Variants in PKD1L1 observed in about 807,000 individuals in gnomAD.
PKD1L1 encodes the protein polycystin-1-like protein 1.
In PKD1L1, 236 loss-of-function variants were observed where a neutral mutation model predicts 323.4. The ratio of observed to expected loss-of-function variants is 0.73; its 90% CI spans 0.66 to 0.81. PKD1L1 has a LOEUF of 0.81. PKD1L1 is among the 40% of genes least tolerant of loss of function. The probability of loss-of-function intolerance (pLI) is 0.00; values close to 1 mark genes in which losing one functional copy is unlikely to be tolerated. For missense variants in PKD1L1, 3,320 were observed against 3,508.0 expected (o/e 0.95, Z 1.35); for synonymous variants, 1,344 against 1,335.0 (o/e 1.01, Z -0.15).
chr7:47,827,433 G>T lies in PKD1L1; in HGVS notation c.6771C>A (p.Arg2257=). The T allele has an allele frequency of 6.2e-7, 1 of 1,612,308 alleles. No homozygotes were observed. The change falls in exon 45 of 57, where the codon CGC becomes CGA. Residue 2257 remains arginine, a synonymous_variant. Coordinates refer to ENST00000289672, the MANE Select transcript of PKD1L1 (RefSeq NM_138295.5). ...LAARQQARHL[R]WAHPPSKAQL... is the part of the protein sequence containing the mutation. ...GGGCCTTGGATGGTGGATGCGCCCA[G>T]CGCAGGTGGCGAGCTTGTTGTCGGG...
intron 31 of PKD1L1, among the ~76,000 whole-genome samples, chr7:47,849,239 A>G (rs934263770): frequency 6.6e-6 from 1 of 152,238 alleles, no homozygotes; most frequent in Non-Finnish European, 1.5e-5. Flanking sequence ...TTGAAGCTGT[A>G]AAAATTCTAA....
Position 47,821,133 on chromosome 7 carries a change from C to G in PKD1L1, c.6908G>C (p.Gly2303Ala). The change falls in exon 46 of 57, where the codon GGG becomes GCG. Residue 2303 changes from glycine to alanine, a missense_variant. Coordinates refer to ENST00000289672, the MANE Select transcript of PKD1L1 (RefSeq NM_138295.5). ...GGAGTATTCATCTTGGGAAAATCTC[C>G]CATATATTACACACAAAAGCAGAAG... ...MLLLLLCVIY[G>A]RFSQDEYSLN... 3 of 1,610,850 alleles carry G rather than the reference C, an allele frequency of 1.9e-6. No individual in the cohort carries two copies. Among genetic ancestry groups the G allele is most frequent in the Non-Finnish European group, 1.7e-6 (2 of 1,177,078 alleles).
In PKD1L1 at chr7:47,836,906, A is replaced by G; in HGVS notation, c.5943+15T>C. The G allele has an allele frequency of 6.2e-7, 1 of 1,610,470 alleles. No individual in the cohort carries two copies. The highest frequency in any genetic ancestry group is 8.5e-7 in the Non-Finnish European group (1 of 1,177,988). On this transcript the variant is annotated intron_variant, in intron 37 of 56. Coordinates refer to ENST00000289672, the MANE Select transcript of PKD1L1 (RefSeq NM_138295.5). ...GGATCTGGAAGCTGCTATAAGGAAA[A>G]GCGATGGCTCTCACCTGCTCTTGCC...
intron 16 of PKD1L1, among the ~76,000 whole-genome samples, chr7:47,889,882 T>A (rs765625859): frequency 1.3e-5 from 2 of 152,080 alleles, no homozygotes; most frequent in Non-Finnish European, 2.9e-5. Context: ...TCCTGCTCCA[T>A]CCCGATGCTC....
In PKD1L1 at chr7:47,893,941, GA is replaced by G; in HGVS notation, c.2389del (p.Ser797HisfsTer69). The G allele has an allele frequency of 6.2e-7, 1 of 1,614,088 alleles. No individual in the cohort carries two copies. The highest frequency in any genetic ancestry group is 8.5e-7 in the Non-Finnish European group (1 of 1,180,028). On this transcript the variant is annotated frameshift_variant, in exon 15 of 57. Transcript: ENST00000289672. LOFTEE classifies it high-confidence loss of function. ...GGTCCCTCTGAGGACAATGGGGGATGAGGTGGTCCTGGAGAAGAATAGGTGT... is the reference window on the plus strand; with the variant it reads ...GGTCCCTCTGAGGACAATGGGGGATGGGTGGTCCTGGAGAAGAATAGGTGT... ...GTHLFFSRTT[S>X]SPIVLRGTQS...
Position 47,905,159 on chromosome 7 carries a change from T to C in PKD1L1, c.1689A>G (p.Gln563=), listed in dbSNP as rs145526543. The change falls in exon 11 of 57, where the codon CAA becomes CAG. Residue 563 remains glutamine (Q), a splice_region_variant and synonymous_variant. Coordinates refer to ENST00000289672, the MANE Select transcript of PKD1L1 (RefSeq NM_138295.5). ...GCAGGACTGCTACTTTTACTGACCA[T>C]TGGGGGATGCTGAGTCTTTTTTTAA... ...RSIKKRLSIP[Q]WYRVMVKASN... 518 of 1,613,460 alleles carry C rather than the reference T, an allele frequency of 3.2e-4. 1 individual carries two copies. Among genetic ancestry groups the C allele is most frequent in the African/African-American group, 3.0e-3 (226 of 74,960 alleles).
chr7:47,870,368 C>A (rs1786256502), intron 24 of PKD1L1, among the ~76,000 whole-genome samples: 1 of 144,064 alleles, frequency 6.9e-6, no homozygotes, highest in African/African-American at 2.7e-5. Context: ...GACTGACAGA[C>A]AAAAAATAAG....
rs142471521 is a variant in PKD1L1 at position 47,877,521 on chromosome 7, C to T, written c.3631G>A (p.Val1211Ile). ...QPHHGLEAHT[V>I]FSVFCMSGKP... ...CCAGACATGCAGAAGACACTGAAGACGGTGTGTGCTTCCAGACCATGGTGG... is the reference window on the plus strand; with the variant it reads ...CCAGACATGCAGAAGACACTGAAGATGGTGTGTGCTTCCAGACCATGGTGG... Residue 1211 changes from valine (V) to isoleucine (I), a missense_variant, in exon 22 of 57, where the codon GTC becomes ATC. Coordinates refer to ENST00000289672, the MANE Select transcript of PKD1L1 (RefSeq NM_138295.5). 35 of 1,613,798 alleles carry T rather than the reference C, an allele frequency of 2.2e-5. No individual in the cohort carries two copies. The highest frequency in any genetic ancestry group is 1.1e-4 in the African/African-American group (8 of 74,880).
upstream of PKD1L1, among the ~76,000 whole-genome samples, chr7:47,950,946 T>C (rs1265599241): frequency 6.6e-6 from 1 of 152,150 alleles, no homozygotes; most frequent in East Asian, 1.9e-4. Context: ...GCCATACTCC[T>C]CCACCTGGGG....
chr7:47,808,445 C>A, intron 51 of PKD1L1, 58 bp from the exon 52 acceptor site: 4 of 1,597,108 alleles, frequency 2.5e-6, no homozygotes, highest in Non-Finnish European at 3.4e-6. Flanking sequence ...TTACCTGGCA[C>A]CCCATGTGAC....
chr7:47,866,324 T>C, intron 25 of PKD1L1, 95 bp downstream of exon 25: 15 of 1,347,876 alleles, frequency 1.1e-5, no homozygotes, highest in Non-Finnish European at 1.5e-5. Flanking sequence ...CTGTGTTTCA[T>C]AAGCATGACC....
At chr7:47,847,362 C>T (rs1368653370) in intron 31 of PKD1L1, among the ~76,000 whole-genome samples, 1 of 152,110 alleles carries the variant, frequency 6.6e-6, no homozygotes, top group Non-Finnish European at 1.5e-5. Context: ...CCCCTGACAC[C>T]CTGAACAGGC....
In PKD1L1 at chr7:47,890,719, C is replaced by T; in HGVS notation, c.2498G>A (p.Cys833Tyr). The change falls in exon 16 of 57, where the codon TGC becomes TAC. Residue 833 changes from cysteine to tyrosine, a missense_variant. Cys to Tyr is a radical substitution (Grantham distance 194). Transcript: ENST00000289672. ...CATAGSPAHPCFDSSTAHQLD... is the reference protein window; with the variant it reads ...CATAGSPAHPYFDSSTAHQLD... ...TTGGTGTGCAGTGGAGGAGTCGAAG[C>T]AGGGATGTGCTGGGGAGCCAGCGGT... 2 of 1,613,164 alleles carry T rather than the reference C, an allele frequency of 1.2e-6. No homozygotes were observed. The highest frequency in any genetic ancestry group is 2.2e-5 in the East Asian group (1 of 44,874).
chr7:47,883,221 C>T (rs180867428), intron 19 of PKD1L1, among the ~76,000 whole-genome samples: 2 of 152,262 alleles, frequency 1.3e-5, no homozygotes, highest in African/African-American at 4.8e-5. Flanking sequence ...GAAACAAAAG[C>T]GTTCTGGCTA....
Position 47,874,022 on chromosome 7 carries a change from C to A in PKD1L1, c.3785-12G>T. ...AGTGGAAACCATGACTGTGAGGGAA[C>A]ATGTCAGAAGAGGGTCATCTTGGAC... is the stretch of plus-strand genomic sequence containing the variant. On this transcript the variant is annotated splice_polypyrimidine_tract_variant and intron_variant, in intron 23 of 56. Coordinates refer to ENST00000289672, the MANE Select transcript of PKD1L1 (RefSeq NM_138295.5). 6.5e-7 allele frequency: 1 copy of A among 1,547,696 alleles called. No individual in the cohort carries two copies. Among genetic ancestry groups the A allele is most frequent in the Admixed American group, 1.7e-5 (1 of 59,100 alleles).
intron 42 of PKD1L1, among the ~76,000 whole-genome samples, chr7:47,830,783 C>T (rs1785331439): frequency 6.6e-6 from 1 of 152,166 alleles, no homozygotes. Context: ...GTACCATGTG[C>T]CGGAGTGACA....
At chr7:47,808,136 T>C in intron 52 of PKD1L1, 111 bp downstream of exon 52, 2 of 1,354,200 alleles carry the variant, frequency 1.5e-6, no homozygotes, top group Non-Finnish European at 2.0e-6. Flanking sequence ...CATCTCTCGA[T>C]ATCAAACAAA....
At chr7:47,910,864 T>TGTGTGTGTA (rs1554411360) in intron 8 of PKD1L1, among the ~76,000 whole-genome samples, 3 of 41,666 alleles carry the variant, frequency 7.2e-5, no homozygotes, top group African/African-American at 3.7e-4. Context: ...GTGTGTGTAT[T>TGTGTGTGTA]TTTAGTAGAG....
At chr7:47,881,819 TA>T in intron 20 of PKD1L1, 89 bp downstream of exon 20, 2 of 1,323,170 alleles carry the variant, frequency 1.5e-6, no homozygotes, top group Non-Finnish European at 1.0e-6. Flanking sequence ...ACTTATCTAG[TA>T]AAACGAAAAG....
Sources: allele counts gnomAD v4.1 joint callset (sites outside exome capture counted in the v4.1 genomes callset), GRCh38; gene constraint gnomAD v4.1.1; transcripts MANE v1.5; gene names NCBI Gene and HGNC (gene_info 2026-07-23, HGNC 2026-07-21).